The following OTOGL variants were observed in gnomAD, a reference collection of about 807,000 sequenced individuals.
OTOGL encodes otogelin like.
Under a neutral mutation model 318.5 loss-of-function variants are expected in OTOGL, and 285 were observed. The ratio of observed to expected loss-of-function variants is 0.89; its 90% confidence interval spans 0.81 to 0.99. OTOGL has a LOEUF of 0.99. Ranked by LOEUF, OTOGL falls within the 50% of genes least tolerant of loss-of-function variation. The probability of loss-of-function intolerance (pLI) is 0.00; values close to 1 mark genes in which losing one functional copy is unlikely to be tolerated. For synonymous variants in OTOGL, 987 were observed against 936.5 expected, an observed-to-expected ratio of 1.05 and a Z score of -0.99; for missense variants, 2,899 against 2,845.6, an observed-to-expected ratio of 1.02 and a Z score of -0.43.
At chr12:80,311,975 G>A (rs1266973591) in intron 30 of OTOGL, among the ~76,000 whole-genome samples, 1 of 152,054 alleles carries the variant, frequency 6.6e-6, no homozygotes, top group African/African-American at 2.4e-5. Flanking sequence ...TTTTCCACAT[G>A]ACCAATGCAT....
Position 80,377,106 on chromosome 12 carries a change from A to C in OTOGL, c.6782-17A>C. Reference sequence around the variant, plus strand: ...ACGTAGGCCTTTGATGAATAAATACATTTTATATTTTATCAGGCAAACGAG... The same window carrying C: ...ACGTAGGCCTTTGATGAATAAATACCTTTTATATTTTATCAGGCAAACGAG... On this transcript the variant is annotated splice_polypyrimidine_tract_variant and intron_variant, in intron 57 of 58. Coordinates refer to ENST00000547103, the MANE Select transcript of OTOGL (RefSeq NM_001378609.3). 1 of 1,574,224 alleles carries C rather than the reference A, an allele frequency of 6.4e-7. No homozygotes were observed. Among genetic ancestry groups the C allele is most frequent in the Non-Finnish European group, 8.7e-7 (1 of 1,151,652 alleles).
intron 1 of OTOGL, among the ~76,000 whole-genome samples, chr12:80,201,476 C>T (rs1163192038): frequency 6.6e-6 from 1 of 152,066 alleles, no homozygotes; most frequent in Non-Finnish European, 1.5e-5. Context: ...CTCATTACCA[C>T]AGGGAGGGCA....
chr12:80,372,059 A>G lies in OTOGL; in HGVS notation c.6776A>G (p.Lys2259Arg). The G allele has an allele frequency of 6.4e-7, 1 of 1,550,434 alleles. No homozygotes were observed. ...AAGCTTTATAATGAAGGCTGTTGCA[A>G]GATCTGTAAGTGAGAGCATATTCCA... ...IVKLYNEGCC[K>R]ICKREERICQ... The change falls in exon 57 of 59, where the codon AAG (lysine) becomes AGG (arginine). Residue 2259 changes from lysine to arginine, a missense_variant. Lys to Arg is a conservative substitution (Grantham distance 26). This residue lies in a region of OTOGL where 289 missense variants were observed against 304.6 expected (regional missense o/e 0.95). Transcript: ENST00000547103.
chr12:80,336,920 T>C lies in OTOGL; in HGVS notation c.4776T>C (p.Ser1592=), dbSNP rs772582226. 7.6e-6 allele frequency: 12 copies of C among 1,585,378 alleles called. No individual in the cohort carries two copies. The highest frequency in any genetic ancestry group is 1.0e-5 in the Non-Finnish European group (12 of 1,164,038). Residue 1592 remains serine, a synonymous_variant, in exon 42 of 59, where the codon TCT becomes TCC. Transcript: ENST00000547103. ...NGNSLKKLAP[S]GRISGLCFKK... ...ATTTTTTTCAAATTAAGGCTCCCTC[T>C]GGAAGAATCTCTGGACTTTGTTTTA...
chr12:80,376,804 G>A (rs1335419790), intron 57 of OTOGL, among the ~76,000 whole-genome samples: 1 of 151,984 alleles, frequency 6.6e-6, no homozygotes, highest in Non-Finnish European at 1.5e-5. Flanking sequence ...ACACATATAT[G>A]CCACACACAG....
intron 30 of OTOGL, among the ~76,000 whole-genome samples, chr12:80,311,183 G>A (rs1326647275): frequency 6.6e-6 from 1 of 152,116 alleles, no homozygotes; most frequent in Non-Finnish European, 1.5e-5. Context: ...TTCCTTCCTA[G>A]CATGATTATT....
chr12:80,163,281 T>C (rs1223276317), intron 1 of OTOGL, among the ~76,000 whole-genome samples: 2 of 152,084 alleles, frequency 1.3e-5, no homozygotes, highest in African/African-American at 4.8e-5. Flanking sequence ...GAGATTCTGT[T>C]GTATACCATT....
intron 27 of OTOGL, 134 bp downstream of exon 27, chr12:80,297,095 G>A: frequency 1.3e-6 from 1 of 779,216 alleles, no homozygotes; most frequent in East Asian, 3.0e-5. Context: ...CATTTTGCGT[G>A]GCTTCAGTAC....
At chr12:80,261,921 C>A in intron 18 of OTOGL, 48 bp from the exon 19 acceptor site, 3 of 1,579,288 alleles carry the variant, frequency 1.9e-6, no homozygotes, top group East Asian at 2.3e-5. Context: ...AGGTTATGAA[C>A]AAATGAATGA....
intron 20 of OTOGL, 188 bp downstream of exon 20, chr12:80,265,398 A>C: frequency 1.5e-6 from 1 of 672,494 alleles, no homozygotes; most frequent in Non-Finnish European, 2.4e-6. Flanking sequence ...GTTGGATAAG[A>C]CCAATAACTT....
intron 45 of OTOGL, among the ~76,000 whole-genome samples, chr12:80,352,809 A>G (rs1889634853): frequency 6.6e-6 from 1 of 152,220 alleles, no homozygotes; most frequent in African/African-American, 2.4e-5. Flanking sequence ...TAATAGTATG[A>G]CTTTTTACAT....
chr12:80,211,124 A>G (rs910076331), intron 3 of OTOGL, among the ~76,000 whole-genome samples: 36 of 152,078 alleles, frequency 2.4e-4, no homozygotes, highest in African/African-American at 8.4e-4. Context: ...TTTTAATTAT[A>G]AAAGGAGTCT....
At position 80,358,330 on chromosome 12, in the gene OTOGL, T is replaced by C. The variant is rs923396276; in HGVS notation, c.6102T>C (p.Cys2034=). The change falls in exon 50 of 59, where the codon TGT becomes TGC. Residue 2034 remains cysteine, a synonymous_variant. Transcript: ENST00000547103. Reference sequence around the variant, plus strand: ...TAGATCTTAATAGCACACACTTCTGTTGTCCTCAGTATTACTGTGGTAAGT... The same window carrying C: ...TAGATCTTAATAGCACACACTTCTGCTGTCCTCAGTATTACTGTGGTAAGT... ...LTVDLNSTHF[C]CPQYYCVCEP... is the part of the protein sequence containing the mutation. The C allele has an allele frequency of 3.1e-6, 5 of 1,599,824 alleles. No individual in the cohort carries two copies. The highest frequency in any genetic ancestry group is 4.3e-6 in the Non-Finnish European group (5 of 1,168,590).
intron 1 of OTOGL, among the ~76,000 whole-genome samples, chr12:80,111,791 A>G (rs555491945): frequency 1.9e-4 from 29 of 152,208 alleles, no homozygotes; most frequent in Admixed American, 1.7e-3. Context: ...AAGATAGTCA[A>G]TGGTAGCTTG....
In OTOGL at chr12:80,232,818, G is replaced by A. The variant is rs892498441; in HGVS notation, c.612-74G>A. 4 of 1,238,134 alleles carry A rather than the reference G, an allele frequency of 3.2e-6. No homozygotes were observed. In the African/African-American group the frequency reaches 6.0e-5, roughly 19 times the overall value. 76.7% of individuals were successfully genotyped at this position (1,238,134 alleles called of 1,614,324 possible). A position where few individuals can be genotyped will look rare whatever the true frequency, so the allele number is the denominator to read the frequency against. On this transcript the variant is annotated intron_variant, in intron 8 of 58. Coordinates refer to ENST00000547103, the MANE Select transcript of OTOGL (RefSeq NM_001378609.3). The stretch of plus-strand genomic sequence containing the variant: ...ATCATTTTCTTTTAATTGTATCTCA[G>A]TCACTTAAAAATATGTCATCTGTAA...
intron 1 of OTOGL, among the ~76,000 whole-genome samples, chr12:80,150,010 T>C (rs1040019817): frequency 5.3e-4 from 81 of 152,152 alleles, no homozygotes; most frequent in African/African-American, 1.9e-3. Context: ...AAATCACCCA[T>C]CTTCTGCGTC....
intron 1 of OTOGL, among the ~76,000 whole-genome samples, chr12:80,124,611 C>G (rs1390719704): frequency 6.6e-6 from 1 of 152,176 alleles, no homozygotes; most frequent in Non-Finnish European, 1.5e-5. Context: ...GGCATTGAAT[C>G]TATAAATTAC....
intron 1 of OTOGL, among the ~76,000 whole-genome samples, chr12:80,134,265 G>T (rs1871411406): frequency 6.6e-6 from 1 of 152,144 alleles, no homozygotes; most frequent in African/African-American, 2.4e-5. Flanking sequence ...GTCTGGATAA[G>T]AATTCTATTT....
intron 1 of OTOGL, among the ~76,000 whole-genome samples, chr12:80,165,479 C>T (rs964752637): frequency 6.6e-6 from 1 of 152,162 alleles, no homozygotes; most frequent in Non-Finnish European, 1.5e-5. Context: ...TCAAGTTGTT[C>T]CTTCCACCCA....
Sources: gnomAD v4.1 joint callset for allele counts (sites outside exome capture counted in the v4.1 genomes callset) on GRCh38, gnomAD v4.1.1 for gene constraint, gnomAD v4.1.1 regional missense constraint, MANE v1.5 for transcripts, NCBI Gene and HGNC (gene_info 2026-07-23, HGNC 2026-07-21) for gene names.